IQCJ: variants seen among roughly 807,000 people sequenced by gnomAD.
IQCJ encodes the protein IQ motif containing J.
IQCJ carries 9 observed loss-of-function variants against 11.0 expected under a neutral mutation model. That is an observed-to-expected ratio of 0.82 (90% CI 0.49 to 1.43). IQCJ has a LOEUF of 1.43. IQCJ is among the 40% of genes most tolerant of loss of function. The pLI is 0.00. For missense variants in IQCJ, 146 were observed against 133.2 expected (o/e 1.10, Z -0.47); for synonymous variants, 55 against 51.3 (o/e 1.07, Z -0.31).
chr3:159,127,182 T>A (rs980173922), intron 1 of IQCJ, among the ~76,000 whole-genome samples: 1 of 152,204 alleles, frequency 6.6e-6, no homozygotes, highest in African/African-American at 2.4e-5. Flanking sequence ...GCCAAGTGAA[T>A]GTGATATTAA....
chr3:159,232,808 G>T (rs1203604466), intron 1 of IQCJ, among the ~76,000 whole-genome samples: 1 of 152,032 alleles, frequency 6.6e-6, no homozygotes, highest in African/African-American at 2.4e-5. Context: ...ATCTAATATT[G>T]ACAGTGGGGT....
chr3:159,151,876 C>T lies in IQCJ; in HGVS notation c.9+82435C>T, dbSNP rs550842243. Among the ~76,000 whole-genome samples the T allele has an allele frequency of 1.7e-4, 26 of 152,312 alleles. No homozygotes were observed. In the South Asian group the frequency reaches 2.1e-3, roughly 12 times the overall value. Reference sequence around the variant, plus strand: ...GTCTCAATCTCCCAACCTCGTGATCCGCCCACCTTGGCCTCCCAAAGTGCT... The same window carrying T: ...GTCTCAATCTCCCAACCTCGTGATCTGCCCACCTTGGCCTCCCAAAGTGCT... On this transcript the variant is annotated intron_variant, in intron 1 of 3. Transcript: ENST00000397832.
chr3:159,130,586 G>T (rs1365299745), intron 1 of IQCJ, among the ~76,000 whole-genome samples: 1 of 152,158 alleles, frequency 6.6e-6, no homozygotes, highest in African/African-American at 2.4e-5. Flanking sequence ...TTGAGGAGAA[G>T]ATGAAATAAA....
At chr3:159,205,305 G>A (rs568967325) in intron 1 of IQCJ, among the ~76,000 whole-genome samples, 2 of 152,336 alleles carry the variant, frequency 1.3e-5, no homozygotes, top group Admixed American at 1.3e-4. Context: ...AGTAAGGGAA[G>A]TACCAAATAT....
chr3:159,236,991 G>T (rs969299273), intron 1 of IQCJ, among the ~76,000 whole-genome samples: 1 of 152,082 alleles, frequency 6.6e-6, no homozygotes, highest in Non-Finnish European at 1.5e-5. Flanking sequence ...TTATTTCCAA[G>T]ACACAAAAAC....
At chr3:159,216,091 G>A (rs916143485) in intron 1 of IQCJ, among the ~76,000 whole-genome samples, 3 of 108,510 alleles carry the variant, frequency 2.8e-5, no homozygotes, top group African/African-American at 1.1e-4. Context: ...TGTGTGTGGG[G>A]CGGGGGGTGG....
downstream of IQCJ, chr3:159,265,435 G>C: frequency 1.3e-6 from 2 of 1,548,686 alleles, no homozygotes; most frequent in East Asian, 4.5e-5. Context: ...GGAATAGGAT[G>C]ATCCCTGGCC....
intron 1 of IQCJ, among the ~76,000 whole-genome samples, chr3:159,093,391 C>A (rs1289618574): frequency 2.0e-5 from 3 of 151,970 alleles, no homozygotes; most frequent in Non-Finnish European, 4.4e-5. Flanking sequence ...CTAACTAATT[C>A]TTCGATAATA....
intron 1 of IQCJ, among the ~76,000 whole-genome samples, chr3:159,160,699 C>T (rs1330541444): frequency 7.8e-6 from 1 of 127,464 alleles, no homozygotes; most frequent in African/African-American, 3.0e-5. Flanking sequence ...CACCCCACAA[C>T]TGTCCCCAGA....
intron 1 of IQCJ, among the ~76,000 whole-genome samples, chr3:159,229,416 A>C (rs978753934): frequency 1.3e-5 from 2 of 152,096 alleles, no homozygotes; most frequent in African/African-American, 4.8e-5. Flanking sequence ...GCATAGAAAT[A>C]GTCTTCAGCA....
At chr3:159,143,417 C>A (rs1577037283) in intron 1 of IQCJ, among the ~76,000 whole-genome samples, 1 of 152,188 alleles carries the variant, frequency 6.6e-6, no homozygotes, top group South Asian at 2.1e-4. Flanking sequence ...TTCTGTTGAT[C>A]TCTTTCTTTA....
chr3:159,233,312 T>C (rs1726378620), intron 1 of IQCJ, among the ~76,000 whole-genome samples: 1 of 152,036 alleles, frequency 6.6e-6, no homozygotes, highest in African/African-American at 2.4e-5. Flanking sequence ...TCAAGAAAGG[T>C]TCCAAGGAGT....
intron 1 of IQCJ, among the ~76,000 whole-genome samples, chr3:159,079,003 C>A (rs1216140980): frequency 6.6e-6 from 1 of 152,096 alleles, no homozygotes; most frequent in East Asian, 1.9e-4. Flanking sequence ...GGGTCCAGGT[C>A]ATTGTGGCAG....
rs73027687 is a variant in IQCJ at position 159,147,013 on chromosome 3, A to G, written c.9+77572A>G. On this transcript the variant is annotated intron_variant, in intron 1 of 3. Coordinates refer to ENST00000397832, the MANE Select transcript of IQCJ (RefSeq NM_001042706.3). ...TGTTTTTTACACAGAGGTTTTCAGC[A>G]TCTATGAATTAAGTCACACTGCTCA... Among the ~76,000 whole-genome samples the G allele has an allele frequency of 3.7e-3, 567 of 152,378 alleles. 1 individual carries two copies. Among genetic ancestry groups the G allele is most frequent in the African/African-American group, 8.2e-3 (340 of 41,586 alleles).
chr3:159,195,174 A>G (rs1196472789), intron 1 of IQCJ, among the ~76,000 whole-genome samples: 1 of 151,714 alleles, frequency 6.6e-6, no homozygotes, highest in Non-Finnish European at 1.5e-5. Flanking sequence ...CCTTAATTCA[A>G]CCTCATTTGT....
intron 1 of IQCJ, among the ~76,000 whole-genome samples, chr3:159,225,389 A>T (rs1413061127): frequency 6.6e-6 from 1 of 152,098 alleles, no homozygotes. Flanking sequence ...TTGGGAAAGG[A>T]GGGGTGGTTA....
chr3:159,189,230 AG>A (rs1244579192), intron 1 of IQCJ, among the ~76,000 whole-genome samples: 2 of 152,208 alleles, frequency 1.3e-5, no homozygotes, highest in Admixed American at 6.5e-5. Context: ...GCCAAAGGAA[AG>A]GTAAATTTAG....
chr3:159,135,907 C>T lies in IQCJ; in HGVS notation c.9+66466C>T, dbSNP rs145089089. ...CAATTATTTATGTAGTAAACAAGTA[C>T]GCAGAACTTAATATGTTAAAGCTAC... On this transcript the variant is annotated intron_variant, in intron 1 of 3. Coordinates refer to ENST00000397832, the MANE Select transcript of IQCJ (RefSeq NM_001042706.3). Among the ~76,000 whole-genome samples the T allele has an allele frequency of 2.6e-3, 402 of 152,258 alleles. 6 individuals carry two copies. The highest frequency in any genetic ancestry group is 0.017 in the South Asian group (84 of 4,828).
chr3:159,208,957 G>A (rs1246664152), intron 1 of IQCJ, among the ~76,000 whole-genome samples: 1 of 152,174 alleles, frequency 6.6e-6, no homozygotes, highest in Non-Finnish European at 1.5e-5. Context: ...AACACCTGGA[G>A]CTGATAAGTA....
Sources: allele counts gnomAD v4.1 joint callset (sites outside exome capture counted in the v4.1 genomes callset), GRCh38; gene constraint gnomAD v4.1.1; transcripts MANE v1.5; gene names NCBI Gene and HGNC (gene_info 2026-07-23, HGNC 2026-07-21).